LIN52: variants seen among roughly 807,000 people sequenced by gnomAD.
The protein encoded by LIN52 is lin-52 DREAM MuvB core complex component, also known as protein lin-52 homolog.
LIN52 carries 4 observed loss-of-function variants against 18.5 expected under a neutral mutation model. That is an observed-to-expected ratio of 0.22 (90% CI 0.11 to 0.49). The LOEUF is 0.49. LIN52 is among the 20% of genes least tolerant of loss of function. The pLI is 0.97. For synonymous variants in LIN52, 34 were observed against 45.5 expected, an observed-to-expected ratio of 0.75 and a Z score of 1.02; for missense variants, 102 against 139.5, an observed-to-expected ratio of 0.73 and a Z score of 1.35.
chr14:74,154,845 T>C (rs115864068), intron 5 of LIN52, among the ~76,000 whole-genome samples: 2,070 of 152,290 alleles, frequency 0.014, 45 homozygotes, highest in African/African-American at 0.046. Context: ...TGTTCCGGCC[T>C]GGTGTTGGTT....
chr14:74,170,779 A>G (rs567324123), intron 5 of LIN52, among the ~76,000 whole-genome samples: 4 of 152,220 alleles, frequency 2.6e-5, no homozygotes, highest in Admixed American at 6.5e-5. Flanking sequence ...AAGCAAAATT[A>G]ATAGAACCTT....
intron 5 of LIN52, 151 bp downstream of exon 5, chr14:74,101,389 T>G (rs1165210027): frequency 2.0e-6 from 1 of 491,718 alleles, no homozygotes; most frequent in East Asian, 3.5e-5. Context: ...GAAGTCAATC[T>G]AATTCATTGA....
At chr14:74,151,787 A>C (rs1465690858) in intron 5 of LIN52, among the ~76,000 whole-genome samples, 2 of 152,242 alleles carry the variant, frequency 1.3e-5, no homozygotes, top group Admixed American at 1.3e-4. Flanking sequence ...AGTTGGAGTC[A>C]GAAGAACTAC....
At chr14:74,113,703 C>T (rs549341897) in intron 5 of LIN52, among the ~76,000 whole-genome samples, 1 of 152,204 alleles carries the variant, frequency 6.6e-6, no homozygotes, top group Non-Finnish European at 1.5e-5. Flanking sequence ...GTCAAATTAA[C>T]TGTGTGTGTT....
At position 74,133,834 on chromosome 14, in the gene LIN52, C is replaced by A. The variant is rs971987444; in HGVS notation, c.283+32596C>A. Among the ~76,000 whole-genome samples the A allele has an allele frequency of 4.6e-5, 7 of 152,262 alleles. No homozygotes were observed. The South Asian group carries it at 1.2e-3, about 27-fold the overall frequency. On this transcript the variant is annotated intron_variant, in intron 5 of 5. Transcript: ENST00000555028. ...TCACCTTTCCATTTATTGCTTGTTG[C>A]AATTTGGCCTGTTTACAGACAGAAT...
At chr14:74,178,972 G>T (rs138476509) in intron 5 of LIN52, among the ~76,000 whole-genome samples, 134 of 151,848 alleles carry the variant, frequency 8.8e-4, no homozygotes, top group African/African-American at 3.2e-3. Flanking sequence ...CTGTAGGCCC[G>T]GCTACTCAGG....
intron 5 of LIN52, among the ~76,000 whole-genome samples, chr14:74,124,538 T>C (rs6574162): frequency 0.51 from 77,333 of 151,860 alleles, 20,318 homozygotes; most frequent in East Asian, 0.89. Context: ...TGGGTAGGTG[T>C]AGTGGCTCAT....
chr14:74,186,125 C>T (rs935877577), intron 5 of LIN52, among the ~76,000 whole-genome samples: 28 of 151,994 alleles, frequency 1.8e-4, no homozygotes, highest in African/African-American at 6.0e-4. Flanking sequence ...CCCATCTCTA[C>T]GAAAAAACAC....
rs186856788 is a variant in LIN52, at chr14:74,163,507, A to G, written c.284-35415A>G. The stretch of plus-strand genomic sequence containing the variant: ...GTAGGAGTGGGGGGGATGACAAAAC[A>G]GTTATAATCATGGAAAAAGCTAAAG... On this transcript the variant is annotated intron_variant, in intron 5 of 5. Transcript: ENST00000555028. Among the ~76,000 whole-genome samples the G allele has an allele frequency of 4.2e-3, 637 of 152,326 alleles. 5 individuals carry two copies. Among genetic ancestry groups the G allele is most frequent in the Non-Finnish European group, 5.7e-3 (391 of 68,040 alleles).
intron 5 of LIN52, chr14:74,174,328 T>C (rs2061283115): frequency 6.6e-6 from 1 of 152,228 alleles, no homozygotes. Flanking sequence ...CTATATGGTA[T>C]AGCCTATTAC....
intron 5 of LIN52, among the ~76,000 whole-genome samples, chr14:74,180,570 A>AT (rs543902092): frequency 1.0e-3 from 156 of 152,190 alleles, no homozygotes; most frequent in African/African-American, 3.7e-3. Context: ...GGGAGGAGGA[A>AT]TTTTTTAAGG....
chr14:74,105,448 C>T (rs778886823), intron 5 of LIN52, among the ~76,000 whole-genome samples: 31 of 152,098 alleles, frequency 2.0e-4, no homozygotes, highest in African/African-American at 2.9e-4. Context: ...CCTTGACCAT[C>T]GTGAATTTAG....
At chr14:74,168,561 G>T (rs1047105354) in intron 5 of LIN52, among the ~76,000 whole-genome samples, 2 of 152,050 alleles carry the variant, frequency 1.3e-5, no homozygotes, top group African/African-American at 4.8e-5. Context: ...CCAGCTACTC[G>T]GGAGGCTGAG....
intron 5 of LIN52, among the ~76,000 whole-genome samples, chr14:74,102,445 A>G (rs541978239): frequency 1.3e-5 from 2 of 152,210 alleles, no homozygotes; most frequent in East Asian, 3.8e-4. Context: ...CTGCTCTGCT[A>G]AGTTCACTCA....
intron 5 of LIN52, among the ~76,000 whole-genome samples, chr14:74,107,643 A>G (rs2060905068): frequency 1.3e-5 from 2 of 152,102 alleles, no homozygotes; most frequent in Non-Finnish European, 2.9e-5. Flanking sequence ...GATAAGAATC[A>G]TATTTTTACT....
At position 74,128,946 on chromosome 14, in the gene LIN52, A is replaced by G. The variant is rs561827380; in HGVS notation, c.283+27708A>G. ...AACAGAGCAAGACTCTGTCTAAAAA[A>G]ACAAAACAAAACAAAACAAAAACAA... On this transcript the variant is annotated intron_variant, in intron 5 of 5. Transcript: ENST00000555028. Among the ~76,000 whole-genome samples the G allele has an allele frequency of 2.8e-4, 43 of 151,842 alleles. 2 individuals are homozygous for G. Among genetic ancestry groups the G allele is most frequent in the Admixed American group, 2.7e-3 (42 of 15,276 alleles).
At chr14:74,108,118 A>T (rs2060908046) in intron 5 of LIN52, among the ~76,000 whole-genome samples, 1 of 152,156 alleles carries the variant, frequency 6.6e-6, no homozygotes, top group African/African-American at 2.4e-5. Context: ...AAATGAAATC[A>T]TATAATATGT....
chr14:74,154,748 A>G (rs2061192412), intron 5 of LIN52, among the ~76,000 whole-genome samples: 1 of 152,254 alleles, frequency 6.6e-6, no homozygotes, highest in Non-Finnish European at 1.5e-5. Context: ...CCTGCAGCCT[A>G]GAAGACGTAA....
intron 5 of LIN52, among the ~76,000 whole-genome samples, chr14:74,173,715 A>C (rs1326987293): frequency 2.0e-5 from 3 of 152,252 alleles, no homozygotes; most frequent in Non-Finnish European, 4.4e-5. Context: ...TGTACTTTTA[A>C]GTCAAAATAT....
Sources: allele counts gnomAD v4.1 joint callset (sites outside exome capture counted in the v4.1 genomes callset), GRCh38; gene constraint gnomAD v4.1.1; transcripts MANE v1.5; gene names NCBI Gene and HGNC (gene_info 2026-07-23, HGNC 2026-07-21).